The following CYREN variants were observed in gnomAD, a reference collection of about 807,000 sequenced individuals.
The protein encoded by CYREN is cell cycle regulator of NHEJ.
In CYREN, 7 loss-of-function variants were observed where a neutral mutation model predicts 9.7. That is an observed-to-expected ratio of 0.72 (90% CI 0.41 to 1.36). The LOEUF (loss-of-function observed/expected upper bound fraction) is 1.36. Among genes scored for constraint, CYREN ranks in the 40% most tolerant of loss-of-function variants. The pLI, the probability that CYREN is intolerant of heterozygous loss-of-function variation, is 0.01. For missense variants in CYREN, 215 were observed against 198.1 expected, an observed-to-expected ratio of 1.09 and a Z score of -0.51; for synonymous variants, 76 against 77.9, an observed-to-expected ratio of 0.98 and a Z score of 0.13.
chr7:135,137,076 A>G (rs1173744346), intron 2 of CYREN, among the ~76,000 whole-genome samples: 1 of 152,034 alleles, frequency 6.6e-6, no homozygotes, highest in African/African-American at 2.4e-5. Flanking sequence ...ATTCAACTCA[A>G]CTGCTGCCTT....
At chr7:135,105,073 T>TTG (rs2117068815) in intron 2 of CYREN, among the ~76,000 whole-genome samples, 1 of 148,828 alleles carries the variant, frequency 6.7e-6, no homozygotes, top group African/African-American at 2.5e-5. Flanking sequence ...CATTCAAGTT[T>TTG]TTTTTTTTTT....
intron 2 of CYREN, among the ~76,000 whole-genome samples, chr7:135,121,478 G>C (rs1827116540): frequency 7.1e-6 from 1 of 140,494 alleles, no homozygotes; most frequent in Middle Eastern, 3.4e-3. Flanking sequence ...ATATTTAAAA[G>C]AATTTAAATC....
At chr7:135,106,815 T>A (rs934013023) in intron 2 of CYREN, among the ~76,000 whole-genome samples, 3 of 152,188 alleles carry the variant, frequency 2.0e-5, no homozygotes, top group African/African-American at 7.2e-5. Context: ...TACATCTGAT[T>A]GAATTCAGCT....
chr7:135,138,789 T>C (rs972167887), intron 2 of CYREN, among the ~76,000 whole-genome samples: 5 of 151,958 alleles, frequency 3.3e-5, no homozygotes, highest in African/African-American at 1.2e-4. Context: ...GTTCCCTTCA[T>C]TGTGTCCATG....
chr7:135,114,676 C>T (rs998919342), intron 2 of CYREN, among the ~76,000 whole-genome samples: 3 of 152,136 alleles, frequency 2.0e-5, no homozygotes, highest in Admixed American at 6.5e-5. Flanking sequence ...CCATTTCCAC[C>T]ACCCTGGTCC....
intron 2 of CYREN, among the ~76,000 whole-genome samples, chr7:135,157,365 G>A (rs1004839858): frequency 7.2e-5 from 11 of 152,236 alleles, no homozygotes; most frequent in Non-Finnish European, 1.3e-4. Context: ...TCCTCAGTGG[G>A]ATAGAGTATG....
At chr7:135,116,577 A>G (rs1826345533) in intron 2 of CYREN, among the ~76,000 whole-genome samples, 1 of 152,142 alleles carries the variant, frequency 6.6e-6, no homozygotes, top group Non-Finnish European at 1.5e-5. Flanking sequence ...TCGGCTCCCC[A>G]TTTGGTTTCC....
chr7:135,169,115 G>A, intron 1 of CYREN, 55 bp from the exon 2 acceptor site: 1 of 583,646 alleles, frequency 1.7e-6, no homozygotes, highest in Non-Finnish European at 2.9e-6. Context: ...ATCAGGCACA[G>A]TTACTGGTCG....
At chr7:135,109,668 C>T (rs1029235477) in intron 2 of CYREN, among the ~76,000 whole-genome samples, 1 of 152,010 alleles carries the variant, frequency 6.6e-6, no homozygotes, top group Non-Finnish European at 1.5e-5. Flanking sequence ...AAAACACTAG[C>T]AGGGGTATCT....
At chr7:135,171,342 T>C (rs1371844570), upstream of CYREN, among the ~76,000 whole-genome samples, 1 of 145,002 alleles carries the variant, frequency 6.9e-6, no homozygotes, top group East Asian at 2.1e-4. Context: ...AAAAAGGAAG[T>C]GAAATCAAAG....
chr7:135,121,205 C>CA (rs1173597416), intron 2 of CYREN, among the ~76,000 whole-genome samples: 35 of 151,860 alleles, frequency 2.3e-4, no homozygotes, highest in African/African-American at 7.5e-4. Flanking sequence ...AACTCCGTCT[C>CA]AAAAAACAAA....
chr7:135,157,826 C>A (rs1463528567), intron 2 of CYREN, among the ~76,000 whole-genome samples: 2 of 152,304 alleles, frequency 1.3e-5, no homozygotes, highest in African/African-American at 4.8e-5. Flanking sequence ...ACCAGGGTGG[C>A]AGCTGCAGCC....
At chr7:135,155,368 T>C (rs928659923) in intron 2 of CYREN, among the ~76,000 whole-genome samples, 1 of 152,254 alleles carries the variant, frequency 6.6e-6, no homozygotes, top group Admixed American at 6.5e-5. Flanking sequence ...TCTGTTATAT[T>C]GTTTATTGTT....
chr7:135,095,134 G>A (rs1822469123), intron 2 of CYREN, among the ~76,000 whole-genome samples: 1 of 152,100 alleles, frequency 6.6e-6, no homozygotes, highest in Admixed American at 6.6e-5. Context: ...TTCGGGGAGG[G>A]ATATTTCTGC....
At chr7:135,112,979 G>T (rs1413823585) in intron 2 of CYREN, among the ~76,000 whole-genome samples, 1 of 152,148 alleles carries the variant, frequency 6.6e-6, no homozygotes, top group African/African-American at 2.4e-5. Flanking sequence ...GTTTCACCCT[G>T]TTGGCCAGGC....
intron 2 of CYREN, among the ~76,000 whole-genome samples, chr7:135,111,971 T>A (rs1204553158): frequency 4.6e-5 from 7 of 152,090 alleles, no homozygotes; most frequent in Admixed American, 4.6e-4. Flanking sequence ...TGTGTCCACT[T>A]CCGATCTCTT....
chr7:135,108,442 T>C (rs1825100810), intron 2 of CYREN, among the ~76,000 whole-genome samples: 1 of 152,168 alleles, frequency 6.6e-6, no homozygotes. Flanking sequence ...CTAAAATGGA[T>C]CTTATTTCTC....
In CYREN at chr7:135,115,573, G is replaced by C. The variant is rs1463753963; in HGVS notation, n.357-20991C>G. On this transcript the variant is annotated intron_variant and non_coding_transcript_variant, in intron 2 of 2. Transcript: ENST00000459937. ...ACATGCAAACCACTCAGATAAAACA[G>C]CTATTCAATCCAAGAACCAACTTCC... 1.4e-5 allele frequency: 22 copies of C among 1,550,846 alleles called. No individual in the cohort carries two copies. In the Middle Eastern group the frequency reaches 5.0e-4, roughly 35 times the overall value.
At chr7:135,136,747 C>A (rs1726195564) in intron 2 of CYREN, among the ~76,000 whole-genome samples, 1 of 152,052 alleles carries the variant, frequency 6.6e-6, no homozygotes, top group Admixed American at 6.6e-5. Flanking sequence ...TCATTTGAAT[C>A]TTCGACTGCC....
Sources: allele counts gnomAD v4.1 joint callset (sites outside exome capture counted in the v4.1 genomes callset), GRCh38; gene constraint gnomAD v4.1.1; transcripts MANE v1.5; gene names NCBI Gene and HGNC (gene_info 2026-07-23, HGNC 2026-07-21).